The following CNTNAP2 variants were observed in gnomAD, a reference collection of about 807,000 sequenced individuals.
The protein encoded by CNTNAP2 is contactin associated protein 2, also known as contactin-associated protein-like 2.
Under a neutral mutation model 155.2 loss-of-function variants are expected in CNTNAP2, and 98 were observed. That is an observed-to-expected ratio of 0.63 (90% CI 0.54 to 0.75). CNTNAP2 has a LOEUF of 0.75. CNTNAP2 is among the 30% of genes least tolerant of loss of function. The probability of loss-of-function intolerance (pLI) is 0.00; values close to 1 mark genes in which losing one functional copy is unlikely to be tolerated. For missense variants in CNTNAP2, 1,727 were observed against 1,688.1 expected (o/e 1.02, Z -0.40); for synonymous variants, 651 against 631.2 (o/e 1.03, Z -0.47).
At chr7:147,488,875 C>T (rs112575805) in intron 11 of CNTNAP2, among the ~76,000 whole-genome samples, 2,357 of 152,264 alleles carry the variant, frequency 0.015, 62 homozygotes, top group African/African-American at 0.054. Context: ...CAGTGCTCAC[C>T]TCTTCAAGCC....
At chr7:147,859,755 CT>C (rs1164579382) in intron 13 of CNTNAP2, among the ~76,000 whole-genome samples, 1 of 152,088 alleles carries the variant, frequency 6.6e-6, no homozygotes, top group Non-Finnish European at 1.5e-5. Context: ...AGCAAAGTAA[CT>C]TTGAATAAAA....
intron 2 of CNTNAP2, among the ~76,000 whole-genome samples, chr7:146,822,379 A>G (rs539164980): frequency 3.0e-4 from 45 of 150,734 alleles, no homozygotes; most frequent in African/African-American, 1.0e-3. Context: ...CTAAATGACG[A>G]GTTAATGGGT....
chr7:147,985,888 A>G (rs1422205073), intron 15 of CNTNAP2, among the ~76,000 whole-genome samples: 2 of 151,986 alleles, frequency 1.3e-5, no homozygotes, highest in Non-Finnish European at 2.9e-5. Context: ...GAGAAATCTC[A>G]GGGCGCTGGG....
intron 13 of CNTNAP2, among the ~76,000 whole-genome samples, chr7:147,861,318 AT>A (rs1799129319): frequency 6.6e-6 from 1 of 152,182 alleles, no homozygotes; most frequent in South Asian, 2.1e-4. Context: ...GAATCATTAT[AT>A]TAGTGTAATA....
chr7:146,509,042 G>A (rs114135885), intron 1 of CNTNAP2, among the ~76,000 whole-genome samples: 3,972 of 152,276 alleles, frequency 0.026, 179 homozygotes, highest in African/African-American at 0.091. Flanking sequence ...AGTGGCCAGG[G>A]AGCCAAAGGC....
chr7:147,157,674 C>T (rs1348035704), intron 8 of CNTNAP2, among the ~76,000 whole-genome samples: 1 of 151,936 alleles, frequency 6.6e-6, no homozygotes, highest in Non-Finnish European at 1.5e-5. Flanking sequence ...ATTAGGCTTC[C>T]ACATCCCTCA....
chr7:147,800,294 G>A (rs2116587500), intron 13 of CNTNAP2, among the ~76,000 whole-genome samples: 1 of 152,222 alleles, frequency 6.6e-6, no homozygotes, highest in South Asian at 2.1e-4. Flanking sequence ...ATCAAAGTCA[G>A]CTGAATAAGG....
intron 13 of CNTNAP2, among the ~76,000 whole-genome samples, chr7:147,855,631 A>G (rs1006914593): frequency 6.6e-6 from 1 of 152,154 alleles, no homozygotes; most frequent in Admixed American, 6.6e-5. Context: ...TACTAAAAAA[A>G]AAATAAGTAC....
chr7:148,335,661 C>T (rs1170342785), intron 21 of CNTNAP2, among the ~76,000 whole-genome samples: 1 of 152,212 alleles, frequency 6.6e-6, no homozygotes, highest in Non-Finnish European at 1.5e-5. Context: ...AGCCTGCTCC[C>T]CAGCTAATCA....
intron 1 of CNTNAP2, among the ~76,000 whole-genome samples, chr7:146,592,678 A>T (rs1182236883): frequency 6.6e-6 from 1 of 152,166 alleles, no homozygotes; most frequent in African/African-American, 2.4e-5. Context: ...TCTAGATCAA[A>T]ATGAGGAAAG....
chr7:146,580,904 G>A (rs980346248), intron 1 of CNTNAP2, among the ~76,000 whole-genome samples: 4 of 151,980 alleles, frequency 2.6e-5, no homozygotes, highest in Non-Finnish European at 4.4e-5. Context: ...TTGGCCAAGC[G>A]ACACTCTCAC....
rs545924066 is a variant in CNTNAP2 at position 147,841,722 on chromosome 7, G to GTCAATA, written c.2099-61842_2099-61837dup. Among the ~76,000 whole-genome samples, 360 of 152,230 alleles carry GTCAATA rather than the reference G, an allele frequency of 2.4e-3. 1 individual carries two copies. Among genetic ancestry groups the GTCAATA allele is most frequent in the African/African-American group, 8.4e-3 (347 of 41,548 alleles). ...ATAATTCAAATTAAAGCAAGAATGT[G>GTCAATA]TCAATACATCTGAAATGTTGAAGAA... is the stretch of plus-strand genomic sequence containing the variant. On this transcript the variant is annotated intron_variant, in intron 13 of 23. Coordinates refer to ENST00000361727, the MANE Select transcript of CNTNAP2 (RefSeq NM_014141.6).
At chr7:146,638,594 C>T (rs535847038) in intron 1 of CNTNAP2, among the ~76,000 whole-genome samples, 8 of 148,380 alleles carry the variant, frequency 5.4e-5, no homozygotes, top group African/African-American at 1.7e-4. Flanking sequence ...ACGCCATTCT[C>T]CTGCCTCAGC....
chr7:146,546,473 C>G (rs1367080686), intron 1 of CNTNAP2, among the ~76,000 whole-genome samples: 1 of 151,856 alleles, frequency 6.6e-6, no homozygotes, highest in Non-Finnish European at 1.5e-5. Flanking sequence ...CTCAGGTCTC[C>G]AAATCACTTT....
At chr7:147,679,009 T>G (rs1258280794) in intron 13 of CNTNAP2, among the ~76,000 whole-genome samples, 1 of 151,908 alleles carries the variant, frequency 6.6e-6, no homozygotes, top group Non-Finnish European at 1.5e-5. Context: ...ATTTCAAACC[T>G]CTTTTCAACT....
At chr7:146,194,484 G>A (rs1452473593) in intron 1 of CNTNAP2, among the ~76,000 whole-genome samples, 1 of 152,014 alleles carries the variant, frequency 6.6e-6, no homozygotes, top group African/African-American at 2.4e-5. Context: ...AAATAGCATG[G>A]GAAAGACCTA....
At chr7:146,974,755 T>G (rs886261255) in intron 3 of CNTNAP2, among the ~76,000 whole-genome samples, 2 of 152,168 alleles carry the variant, frequency 1.3e-5, no homozygotes, top group East Asian at 3.9e-4. Context: ...TCCCAGCATT[T>G]TGGGAGGCTG....
intron 1 of CNTNAP2, among the ~76,000 whole-genome samples, chr7:146,623,454 A>G (rs1799367582): frequency 6.6e-6 from 1 of 152,190 alleles, no homozygotes; most frequent in Admixed American, 6.5e-5. Flanking sequence ...AAAACCCTGC[A>G]ACTAATAGGT....
At chr7:147,135,324 A>C (rs890690391) in intron 8 of CNTNAP2, among the ~76,000 whole-genome samples, 2 of 151,730 alleles carry the variant, frequency 1.3e-5, no homozygotes, top group African/African-American at 2.4e-5. Context: ...AACAAGTTGC[A>C]ACATCAACGT....
Sources: gnomAD v4.1 joint callset for allele counts (sites outside exome capture counted in the v4.1 genomes callset) on GRCh38, gnomAD v4.1.1 for gene constraint, MANE v1.5 for transcripts, NCBI Gene and HGNC (gene_info 2026-07-23, HGNC 2026-07-21) for gene names.